ST7: variants seen among roughly 807,000 people sequenced by gnomAD.
ST7 encodes suppressor of tumorigenicity 7 protein.
A neutral mutation model predicts 78.7 loss-of-function variants in ST7; 28 were observed. The observed-to-expected ratio is 0.36, with a 90% CI of 0.26 to 0.49. The LOEUF (loss-of-function observed/expected upper bound fraction) is 0.49. ST7 is among the 20% of genes least tolerant of loss of function. The pLI, the probability that ST7 is intolerant of heterozygous loss-of-function variation, is 0.99. For synonymous variants in ST7, 247 were observed against 249.6 expected (o/e 0.99, Z 0.10); for missense variants, 418 against 696.0 (o/e 0.60, Z 4.49).
intron 9 of ST7, among the ~76,000 whole-genome samples, chr7:117,146,786 G>C (rs1805824889): frequency 6.6e-6 from 1 of 152,186 alleles, no homozygotes; most frequent in South Asian, 2.1e-4. Context: ...TGGAAGTCTG[G>C]GGTGAGAGAG....
At chr7:117,011,165 T>C (rs1377525613) in intron 1 of ST7, among the ~76,000 whole-genome samples, 1 of 152,162 alleles carries the variant, frequency 6.6e-6, no homozygotes, top group Non-Finnish European at 1.5e-5. Context: ...AATGTGTGTG[T>C]GTGTATCTGT....
At chr7:117,064,755 C>T (rs1332581455) in intron 1 of ST7, among the ~76,000 whole-genome samples, 3 of 152,170 alleles carry the variant, frequency 2.0e-5, no homozygotes, top group African/African-American at 7.2e-5. Flanking sequence ...TCTTAAAATA[C>T]TGTTTGCTTC....
At chr7:117,228,542 G>A (rs1301571012) in intron 15 of ST7, among the ~76,000 whole-genome samples, 4 of 152,292 alleles carry the variant, frequency 2.6e-5, no homozygotes, top group African/African-American at 7.2e-5. Context: ...TGTGTTACCT[G>A]CCTTCCCAGT....
intron 1 of ST7, among the ~76,000 whole-genome samples, chr7:117,076,887 G>A (rs964228440): frequency 1.3e-5 from 2 of 152,254 alleles, no homozygotes; most frequent in Admixed American, 6.5e-5. Flanking sequence ...CAAAGGGCCA[G>A]TGTGACAGCC....
chr7:117,151,941 GA>G (rs1400326854), intron 9 of ST7, among the ~76,000 whole-genome samples: 31 of 151,614 alleles, frequency 2.0e-4, no homozygotes, highest in Admixed American at 9.2e-4. Context: ...CCAACATGGG[GA>G]AACCCTGTCT....
chr7:117,127,580 T>G lies in ST7; in HGVS notation c.395-2213T>G, dbSNP rs540246924. 2.0e-5 allele frequency among the ~76,000 whole-genome samples: 3 copies of G among 152,074 alleles called. No homozygotes were observed. In the South Asian group the frequency reaches 6.2e-4, roughly 32 times the overall value. ...TTCTTAGATACTTCTTCATTACATG[T>G]TTTATTCTCACTTAGAACAGTTTAC... On this transcript the variant is annotated intron_variant, in intron 3 of 15. Coordinates refer to ENST00000323984, the MANE Select transcript of ST7 (RefSeq NM_001369598.1).
At chr7:117,218,080 A>G (rs1390891437) in intron 13 of ST7, among the ~76,000 whole-genome samples, 1 of 152,194 alleles carries the variant, frequency 6.6e-6, no homozygotes, top group Non-Finnish European at 1.5e-5. Flanking sequence ...GCATTTTGAG[A>G]AGGCTCTGGT....
chr7:117,159,382 C>A (rs184138995), intron 9 of ST7, among the ~76,000 whole-genome samples: 36 of 152,288 alleles, frequency 2.4e-4, no homozygotes, highest in African/African-American at 7.9e-4. Flanking sequence ...TATTAGAGGA[C>A]TCACAGGAGA....
At chr7:117,012,329 G>A (rs886193623) in intron 1 of ST7, among the ~76,000 whole-genome samples, 3 of 149,978 alleles carry the variant, frequency 2.0e-5, no homozygotes, top group African/African-American at 7.4e-5. Context: ...ACTCTACACA[G>A]GCAGTATTGT....
At chr7:117,021,108 AG>A (rs1294209093) in intron 1 of ST7, among the ~76,000 whole-genome samples, 4 of 152,228 alleles carry the variant, frequency 2.6e-5, no homozygotes, top group Non-Finnish European at 5.9e-5. Context: ...ATTCAGAATG[AG>A]TAAGAAATCG....
chr7:117,227,316 A>T (rs533470605), intron 15 of ST7, among the ~76,000 whole-genome samples: 14 of 152,104 alleles, frequency 9.2e-5, no homozygotes, highest in Non-Finnish European at 1.9e-4. Flanking sequence ...TCCCCACTCA[A>T]CCACAACTTC....
intron 1 of ST7, among the ~76,000 whole-genome samples, chr7:116,979,702 A>C (rs575586316): frequency 6.6e-6 from 1 of 152,026 alleles, no homozygotes; most frequent in Non-Finnish European, 1.5e-5. Flanking sequence ...TCCTGCCTCT[A>C]ATCTCTCCTA....
chr7:117,200,532 C>T (rs991816166), intron 12 of ST7, among the ~76,000 whole-genome samples: 1 of 152,120 alleles, frequency 6.6e-6, no homozygotes, highest in Admixed American at 6.5e-5. Flanking sequence ...GCCCCAAATC[C>T]CAGAACCAGT....
At chr7:116,976,128 G>A (rs1192275967) in intron 1 of ST7, among the ~76,000 whole-genome samples, 3 of 152,058 alleles carry the variant, frequency 2.0e-5, no homozygotes, top group African/African-American at 7.2e-5. Context: ...AGCTGGGCGT[G>A]GTGGCAGGAG....
intron 3 of ST7, among the ~76,000 whole-genome samples, chr7:117,125,217 C>T (rs1803734824): frequency 6.6e-6 from 1 of 152,074 alleles, no homozygotes. Flanking sequence ...CTAGTGAACA[C>T]TTACTTAGTA....
At chr7:116,985,315 C>T (rs796780480) in intron 1 of ST7, among the ~76,000 whole-genome samples, 109 of 152,108 alleles carry the variant, frequency 7.2e-4, no homozygotes, top group African/African-American at 2.5e-3. Flanking sequence ...GAAATGTGTG[C>T]GAAATTGGAC....
At chr7:117,007,338 A>G (rs1795198960) in intron 1 of ST7, among the ~76,000 whole-genome samples, 2 of 152,222 alleles carry the variant, frequency 1.3e-5, no homozygotes, top group African/African-American at 4.8e-5. Flanking sequence ...CAGCCATAAC[A>G]TTCCCTTAAG....
At chr7:117,130,386 G>C (rs1469925284) in intron 4 of ST7, 105 bp from the exon 5 acceptor site, 2 of 658,258 alleles carry the variant, frequency 3.0e-6, no homozygotes, top group Admixed American at 3.1e-5. Flanking sequence ...AGCTATTTTA[G>C]TATTCAGTTA....
chr7:117,136,505 T>C (rs1214294163), intron 8 of ST7: 1 of 563,554 alleles, frequency 1.8e-6, no homozygotes, highest in Non-Finnish European at 3.1e-6. Flanking sequence ...AATAGTAACC[T>C]TTTTTCCTCC....
Sources: allele counts gnomAD v4.1 joint callset (sites outside exome capture counted in the v4.1 genomes callset), GRCh38; gene constraint gnomAD v4.1.1; transcripts MANE v1.5; gene names NCBI Gene and HGNC (gene_info 2026-07-23, HGNC 2026-07-21).